The following TRHDE variants were observed in gnomAD, a reference collection of about 807,000 sequenced individuals.
TRHDE encodes the protein thyrotropin releasing hormone degrading enzyme.
Under a neutral mutation model 125.7 loss-of-function variants are expected in TRHDE, and 72 were observed. That is an observed-to-expected ratio of 0.57 (90% CI 0.47 to 0.70). TRHDE has a LOEUF of 0.70. TRHDE is among the 30% of genes least tolerant of loss of function. The pLI, the probability that TRHDE is intolerant of heterozygous loss-of-function variation, is 0.00. For missense variants in TRHDE, 1,110 were observed against 1,327.1 expected (o/e 0.84, Z 2.54); for synonymous variants, 509 against 509.1 (o/e 1.00, Z 0.00).
At chr12:72,247,017 C>T (rs947547185) in intron 2 of TRHDE, among the ~76,000 whole-genome samples, 6 of 152,152 alleles carry the variant, frequency 3.9e-5, no homozygotes, top group African/African-American at 1.4e-4. Context: ...CTCAATTTAG[C>T]AATTACAGTT....
chr12:72,187,422 T>A (rs1007923805), intron 2 of TRHDE, among the ~76,000 whole-genome samples: 1 of 146,888 alleles, frequency 6.8e-6, no homozygotes, highest in Non-Finnish European at 1.5e-5. Flanking sequence ...TGTAATTCAG[T>A]CTGACTGAGG....
chr12:72,308,812 A>C (rs10879398), intron 2 of TRHDE, among the ~76,000 whole-genome samples: 83,652 of 152,018 alleles, frequency 0.55, 26,586 homozygotes, highest in East Asian at 0.8. Context: ...TATACCATGA[A>C]GAAACTTCTC....
intron 3 of TRHDE, among the ~76,000 whole-genome samples, chr12:72,413,028 C>T (rs949608287): frequency 6.6e-6 from 1 of 151,556 alleles, no homozygotes; most frequent in African/African-American, 2.4e-5. Context: ...TTTTCTTGAC[C>T]CAGATGGTGA....
intron 15 of TRHDE, among the ~76,000 whole-genome samples, chr12:72,645,127 CAAGAT>C (rs1439660042): frequency 6.6e-6 from 1 of 152,060 alleles, no homozygotes; most frequent in African/African-American, 2.4e-5. Context: ...AACAAAGGAA[CAAGAT>C]AAGTCTTCAA....
chr12:72,639,256 C>T (rs1306797577), intron 15 of TRHDE, among the ~76,000 whole-genome samples: 1 of 152,008 alleles, frequency 6.6e-6, no homozygotes, highest in Non-Finnish European at 1.5e-5. Context: ...TCATTCATTT[C>T]ATCTTCCATC....
chr12:72,336,513 C>A (rs1869836356), intron 2 of TRHDE, among the ~76,000 whole-genome samples: 1 of 152,184 alleles, frequency 6.6e-6, no homozygotes, highest in Non-Finnish European at 1.5e-5. Context: ...TGTCTGTCTT[C>A]CCCAAGAAAC....
intron 5 of TRHDE, among the ~76,000 whole-genome samples, chr12:72,473,463 T>G (rs1876745796): frequency 6.6e-6 from 1 of 152,118 alleles, no homozygotes; most frequent in African/African-American, 2.4e-5. Context: ...AAATTGTCCT[T>G]TAAAATAAAG....
At chr12:72,565,202 T>C (rs1411243393) in intron 9 of TRHDE, among the ~76,000 whole-genome samples, 1 of 152,198 alleles carries the variant, frequency 6.6e-6, no homozygotes, top group African/African-American at 2.4e-5. Context: ...TATTTTACAA[T>C]GCAAACAGTT....
At chr12:72,455,189 T>G (rs546997553) in intron 3 of TRHDE, among the ~76,000 whole-genome samples, 1 of 152,302 alleles carries the variant, frequency 6.6e-6, no homozygotes, top group South Asian at 2.1e-4. Context: ...ATTTCTGATA[T>G]TTCCAAGTGC....
chr12:72,184,707 T>C (rs1478767662), intron 2 of TRHDE, among the ~76,000 whole-genome samples: 3 of 152,164 alleles, frequency 2.0e-5, no homozygotes. Context: ...AATTTCTTCT[T>C]GTGTCTTAAG....
At chr12:72,420,656 C>T (rs970910593) in intron 3 of TRHDE, among the ~76,000 whole-genome samples, 2 of 152,034 alleles carry the variant, frequency 1.3e-5, no homozygotes, top group African/African-American at 4.8e-5. Flanking sequence ...GGTTCAATTC[C>T]ACCAGAGTTT....
intron 12 of TRHDE, among the ~76,000 whole-genome samples, chr12:72,578,095 C>A (rs11179258): frequency 6.6e-6 from 1 of 151,758 alleles, no homozygotes; most frequent in Non-Finnish European, 1.5e-5. Context: ...CTAAACACAT[C>A]GTGCACTCTT....
At chr12:72,426,400 G>A (rs1444414335) in intron 3 of TRHDE, among the ~76,000 whole-genome samples, 1 of 152,070 alleles carries the variant, frequency 6.6e-6, no homozygotes, top group Non-Finnish European at 1.5e-5. Flanking sequence ...ACTTTCAGTG[G>A]TTTAATTATA....
chr12:72,224,426 C>G (rs1451252423), intron 2 of TRHDE, among the ~76,000 whole-genome samples: 3 of 152,014 alleles, frequency 2.0e-5, no homozygotes, highest in African/African-American at 7.2e-5. Flanking sequence ...AGGTTGATCT[C>G]TCAATATTAT....
At chr12:72,170,171 A>T (rs1398261903) in intron 2 of TRHDE, among the ~76,000 whole-genome samples, 1 of 152,222 alleles carries the variant, frequency 6.6e-6, no homozygotes, top group Non-Finnish European at 1.5e-5. Context: ...GGTGGATTAC[A>T]ATAATGAGAC....
chr12:72,151,994 C>G (rs1173870480), intron 2 of TRHDE, among the ~76,000 whole-genome samples: 1 of 151,476 alleles, frequency 6.6e-6, no homozygotes, highest in Non-Finnish European at 1.5e-5. Context: ...GGCAGTATGG[C>G]CATTTTCACA....
intron 6 of TRHDE, among the ~76,000 whole-genome samples, chr12:72,520,538 C>G (rs570240485): frequency 3.9e-5 from 6 of 152,272 alleles, no homozygotes; most frequent in Admixed American, 1.3e-4. Context: ...TGCGCCCACT[C>G]TCTGGCACTC....
At chr12:72,531,313 G>GT (rs1360941654) in intron 6 of TRHDE, among the ~76,000 whole-genome samples, 1 of 151,848 alleles carries the variant, frequency 6.6e-6, no homozygotes, top group Non-Finnish European at 1.5e-5. Flanking sequence ...TGGGGTCTTT[G>GT]TTTTTTAATC....
chr12:72,386,909 C>G (rs1436066870), intron 3 of TRHDE, among the ~76,000 whole-genome samples: 4 of 152,142 alleles, frequency 2.6e-5, no homozygotes, highest in Non-Finnish European at 2.9e-5. Flanking sequence ...ATTGGCCACT[C>G]TTTCTAAGTC....
Sources: gnomAD v4.1 joint callset for allele counts (sites outside exome capture counted in the v4.1 genomes callset) on GRCh38, gnomAD v4.1.1 for gene constraint, MANE v1.5 for transcripts, NCBI Gene and HGNC (gene_info 2026-07-23, HGNC 2026-07-21) for gene names.